SOS2: variants seen among roughly 807,000 people sequenced by gnomAD.
The protein encoded by SOS2 is son of sevenless homolog 2.
A neutral mutation model predicts 148.2 loss-of-function variants in SOS2; 65 were observed. The observed-to-expected ratio is 0.44, with a 90% CI of 0.36 to 0.54. SOS2 has a LOEUF of 0.54. Ranked by LOEUF, SOS2 falls within the 20% of genes least tolerant of loss-of-function variation. The pLI is 0.00. For missense variants in SOS2, 1,341 were observed against 1,590.2 expected (o/e 0.84, Z 2.67); for synonymous variants, 539 against 537.1 (o/e 1.00, Z -0.05).
chr14:50,180,692 T>TA lies in SOS2; in HGVS notation c.859-11dup. 1 of 1,448,592 alleles carries TA rather than the reference T, an allele frequency of 6.9e-7. No homozygotes were observed. The highest frequency in any genetic ancestry group is 9.6e-7 in the Non-Finnish European group (1 of 1,044,942). The allele number at this position is 1,448,592 out of a possible 1,614,324, so 89.7% of individuals were successfully genotyped here. On this transcript the variant is annotated splice_polypyrimidine_tract_variant and intron_variant, in intron 6 of 22. Coordinates refer to ENST00000216373, the MANE Select transcript of SOS2 (RefSeq NM_006939.4). ...GATCAAATGCTTGCTCCTATTTTTT[T>TA]AAAAAGAGAAAAAGCATTAGGTTTA...
At position 50,166,521 on chromosome 14, in the gene SOS2, G is replaced by A. The variant is rs968428811; in HGVS notation, c.1069-4912C>T. Among the ~76,000 whole-genome samples the A allele has an allele frequency of 3.3e-5, 5 of 152,206 alleles. No individual in the cohort carries two copies. In the South Asian group the frequency reaches 8.3e-4, roughly 25 times the overall value. On this transcript the variant is annotated intron_variant, in intron 8 of 22. Coordinates refer to ENST00000216373, the MANE Select transcript of SOS2 (RefSeq NM_006939.4). ...TAGGATTACAAGCATGACCCACCGC[G>A]CCTAGCTTTAATGGGTAATATCTTA...
At chr14:50,221,956 G>A (rs540729033) in intron 1 of SOS2, among the ~76,000 whole-genome samples, 2 of 152,126 alleles carry the variant, frequency 1.3e-5, no homozygotes, top group Non-Finnish European at 2.9e-5. Flanking sequence ...AAATAAAAAA[G>A]TGCGATTAAA....
At chr14:50,119,305 G>A (rs1369019500) in intron 22 of SOS2, among the ~76,000 whole-genome samples, 1 of 152,186 alleles carries the variant, frequency 6.6e-6, no homozygotes, top group East Asian at 1.9e-4. Context: ...TAGGGAACTT[G>A]TTAGAAAAGC....
At chr14:50,212,406 G>A (rs371165111) in intron 1 of SOS2, among the ~76,000 whole-genome samples, 55 of 152,284 alleles carry the variant, frequency 3.6e-4, no homozygotes, top group Middle Eastern at 6.8e-3. Flanking sequence ...CCCAGGAGGC[G>A]GAGGTTGCAG....
At chr14:50,192,648 G>C (rs940168066) in intron 4 of SOS2, among the ~76,000 whole-genome samples, 5 of 152,080 alleles carry the variant, frequency 3.3e-5, no homozygotes, top group Non-Finnish European at 7.4e-5. Context: ...CAGATCACTT[G>C]AGGTCAGGAG....
intron 1 of SOS2, among the ~76,000 whole-genome samples, chr14:50,222,966 A>C (rs1887242838): frequency 6.6e-6 from 1 of 152,198 alleles, no homozygotes; most frequent in African/African-American, 2.4e-5. Context: ...ATATTCCAGG[A>C]GATTGGTGAT....
chr14:50,155,378 C>T (rs1884780195), intron 12 of SOS2, among the ~76,000 whole-genome samples: 1 of 152,122 alleles, frequency 6.6e-6, no homozygotes, highest in African/African-American at 2.4e-5. Context: ...ATGTCCTTAT[C>T]TGTGTCCTCA....
chr14:50,225,681 C>T lies in SOS2; in HGVS notation c.87+5516G>A, dbSNP rs565115253. ...CCTCGAGTTCTACTGTTACATTCAG[C>T]GGCTTTAGGAATTCCAGAACAGGCT... On this transcript the variant is annotated intron_variant, in intron 1 of 22. Transcript: ENST00000216373. Among the ~76,000 whole-genome samples the T allele has an allele frequency of 9.2e-5, 14 of 152,258 alleles. No individual in the cohort carries two copies. In the East Asian group the frequency reaches 1.2e-3, roughly 13 times the overall value.
intron 4 of SOS2, among the ~76,000 whole-genome samples, chr14:50,192,143 CAAA>C (rs201836422): frequency 4.7e-4 from 56 of 118,816 alleles, no homozygotes; most frequent in African/African-American, 1.8e-3. Context: ...GTCCTTGTCA[CAAA>C]AAAAAAAAAA....
Position 50,118,599 on chromosome 14 carries a change from C to A in SOS2, c.3744G>T (p.Trp1248Cys), listed in dbSNP as rs138133010. 835 of 1,613,912 alleles carry A rather than the reference C, an allele frequency of 5.2e-4. 1 individual carries two copies. Among genetic ancestry groups the A allele is most frequent in the Non-Finnish European group, 6.1e-4 (722 of 1,180,026 alleles). ...PLGHLHRDSD[W>C]LRDISTCPNS... The stretch of plus-strand genomic sequence containing the variant: ...TTGGACACGTACTAATGTCTCTGAG[C>A]CAGTCTGAATCTCTGTGAAGATGCC... Residue 1248 changes from tryptophan to cysteine, a missense_variant, in exon 23 of 23, where the codon TGG (tryptophan) becomes TGT (cysteine). Physicochemically the swap from Trp to Cys is radical, Grantham distance 215. Around this residue, in one of 4 missense-constraint regions of SOS2, gnomAD observed 354 missense variants for 347.7 expected, o/e 1.02. Coordinates refer to ENST00000216373, the MANE Select transcript of SOS2 (RefSeq NM_006939.4).
At chr14:50,160,189 C>T (rs892824256) in intron 9 of SOS2, 103 bp from the exon 10 acceptor site, 2 of 860,472 alleles carry the variant, frequency 2.3e-6, no homozygotes, top group Non-Finnish European at 1.7e-6. Flanking sequence ...AATAACCAAA[C>T]AGTAGCTTTT....
Position 50,117,693 on chromosome 14 carries a change from A to G in SOS2, c.*651T>C, listed in dbSNP as rs1883333090. The stretch of plus-strand genomic sequence containing the variant: ...AACAAAAGGCACATCTGAATGAGAT[A>G]CATGCCCTTTTTCCCTCCATCATTG... On this transcript the variant is annotated 3_prime_UTR_variant, in exon 23 of 23. Transcript: ENST00000216373. 1 of 152,280 alleles carries G rather than the reference A, an allele frequency of 6.6e-6. No homozygotes were observed. The highest frequency in any genetic ancestry group is 2.4e-5 in the African/African-American group (1 of 41,478). The allele number at this position is 152,280 out of a possible 1,614,324, so 9.4% of individuals were successfully genotyped here.
chr14:50,144,432 A>T lies in SOS2; in HGVS notation c.2667+738T>A, dbSNP rs948246883. Reference sequence around the variant, plus strand: ...TAAACACATATTTTATAATTTAAAAAATATATATATTTTTTAATTTTTTGA... The same window carrying T: ...TAAACACATATTTTATAATTTAAAATATATATATATTTTTTAATTTTTTGA... On this transcript the variant is annotated intron_variant, in intron 16 of 22. Transcript: ENST00000216373. Among the ~76,000 whole-genome samples the T allele has an allele frequency of 9.3e-4, 141 of 151,756 alleles. 2 individuals carry two copies. Among genetic ancestry groups the T allele is most frequent in the Non-Finnish European group, 5.9e-4 (40 of 67,948 alleles).
At chr14:50,130,928 T>G (rs992790059) in intron 19 of SOS2, among the ~76,000 whole-genome samples, 166 bp from the exon 20 acceptor site, 2 of 152,192 alleles carry the variant, frequency 1.3e-5, no homozygotes, top group African/African-American at 2.4e-5. Flanking sequence ...TAGAATCTTC[T>G]GGATTTGACT....
intron 1 of SOS2, among the ~76,000 whole-genome samples, chr14:50,206,923 G>A (rs1886679861): frequency 6.6e-6 from 1 of 152,026 alleles, no homozygotes. Flanking sequence ...TTGAACTTGT[G>A]AGCTCAAGCT....
chr14:50,148,084 T>G (rs1884548171), intron 14 of SOS2, among the ~76,000 whole-genome samples: 1 of 152,192 alleles, frequency 6.6e-6, no homozygotes, highest in Non-Finnish European at 1.5e-5. Context: ...TTCTGAAATG[T>G]TTTCTTAAAG....
At chr14:50,147,105 G>A (rs546130438) in intron 14 of SOS2, among the ~76,000 whole-genome samples, 90 of 152,078 alleles carry the variant, frequency 5.9e-4, no homozygotes, top group Middle Eastern at 3.4e-3. Flanking sequence ...ACTGAGGTGG[G>A]AAGACTGCTT....
At chr14:50,188,005 G>C (rs1165458808) in intron 5 of SOS2, among the ~76,000 whole-genome samples, 1 of 152,100 alleles carries the variant, frequency 6.6e-6, no homozygotes, top group African/African-American at 2.4e-5. Flanking sequence ...CTAATTTTGT[G>C]CCTAATTTTC....
At chr14:50,140,089 T>G (rs748121806) in intron 16 of SOS2, 30 bp from the exon 17 acceptor site, 1 of 1,044,868 alleles carries the variant, frequency 9.6e-7, no homozygotes, top group Non-Finnish European at 1.4e-6. Context: ...GAGTATAAAT[T>G]TTTTACAATT....
Sources: gnomAD v4.1 joint callset for allele counts (sites outside exome capture counted in the v4.1 genomes callset) on GRCh38, gnomAD v4.1.1 for gene constraint, gnomAD v4.1.1 regional missense constraint, MANE v1.5 for transcripts, NCBI Gene and HGNC (gene_info 2026-07-23, HGNC 2026-07-21) for gene names.